NOX4: variants seen among roughly 807,000 people sequenced by gnomAD.
The protein encoded by NOX4 is kidney oxidase-1.
NOX4 carries 69 observed loss-of-function variants against 87.6 expected under a neutral mutation model. That is an observed-to-expected ratio of 0.79 (90% confidence interval 0.65 to 0.96). The LOEUF (loss-of-function observed/expected upper bound fraction) is 0.96. Ranked by LOEUF, NOX4 falls within the 40% of genes least tolerant of loss-of-function variation. The pLI, the probability that NOX4 is intolerant of heterozygous loss-of-function variation, is 0.00. For missense variants in NOX4, 680 were observed against 681.5 expected, an observed-to-expected ratio of 1.00 and a Z score of 0.02; for synonymous variants, 275 against 238.2, an observed-to-expected ratio of 1.15 and a Z score of -1.42.
chr11:89,326,971 A>G (rs1293975178), intron 17 of NOX4, 95 bp from the exon 18 acceptor site: 2 of 1,160,374 alleles, frequency 1.7e-6, no homozygotes, highest in Non-Finnish European at 2.4e-6. Flanking sequence ...AAGTATTAAC[A>G]AAGTTGATTT....
chr11:89,493,534 T>C (rs538666670), upstream of NOX4, among the ~76,000 whole-genome samples: 1 of 152,180 alleles, frequency 6.6e-6, no homozygotes, highest in South Asian at 2.1e-4. Context: ...AATGCTTATA[T>C]AAATGTTGGT....
intron 2 of NOX4, among the ~76,000 whole-genome samples, chr11:89,487,731 A>G (rs1456377911): frequency 6.6e-6 from 1 of 152,218 alleles, no homozygotes; most frequent in Non-Finnish European, 1.5e-5. Context: ...TGCTAAGTTA[A>G]TAACATATAG....
chr11:89,326,963 G>A, intron 17 of NOX4, 87 bp from the exon 18 acceptor site: 10 of 1,244,670 alleles, frequency 8.0e-6, no homozygotes, highest in Non-Finnish European at 1.1e-5. Flanking sequence ...ATGGTTTAAA[G>A]TATTAACAAA....
chr11:89,336,039 T>TTGCTGTGA (rs1945699942), intron 16 of NOX4, 94 bp from the exon 17 acceptor site: 2 of 686,506 alleles, frequency 2.9e-6, no homozygotes, highest in Admixed American at 2.9e-5. Flanking sequence ...TCCCACCAAA[T>TTGCTGTGA]TGCTGTGATA....
At chr11:89,438,475 AC>A (rs1313553949) in intron 6 of NOX4, among the ~76,000 whole-genome samples, 1,084 of 83,878 alleles carry the variant, frequency 0.013, 38 homozygotes, top group African/African-American at 0.062. Flanking sequence ...TATATTATAT[AC>A]TATATATACT....
At chr11:89,521,716 A>G in the NOX4 span, among the ~76,000 whole-genome samples, 2 of 152,176 alleles carry the variant, frequency 1.3e-5, no homozygotes, top group Non-Finnish European at 2.9e-5. Flanking sequence ...CTGCAAAGCG[A>G]AAGAAACAAC....
intron 4 of NOX4, among the ~76,000 whole-genome samples, chr11:89,448,218 AAACAAC>A (rs369024514): frequency 1.3e-5 from 2 of 152,078 alleles, no homozygotes; most frequent in African/African-American, 4.8e-5. Flanking sequence ...TTACAGTTAA[AAACAAC>A]AACAACAACA....
chr11:89,491,192 G>A lies in NOX4; in HGVS notation c.55C>T (p.Leu19=), dbSNP rs1946837484. 6.2e-7 allele frequency: 1 copy of A among 1,613,746 alleles called. No homozygotes were observed. The highest frequency in any genetic ancestry group is 8.5e-7 in the Non-Finnish European group (1 of 1,179,846). ...LANEGVKHLC[L]FIWLSMNVLL... ...GAGAGCCTAGCCCGCCATCCTACCA[G>A]GCAGAGGTGTTTAACCCCTTCGTTG... is the stretch of plus-strand genomic sequence containing the variant. The change falls in exon 1 of 18, where the codon CTG becomes TTG. Residue 19 remains leucine (L), a splice_region_variant and synonymous_variant. Transcript: ENST00000263317.
intron 12 of NOX4, among the ~76,000 whole-genome samples, chr11:89,372,018 C>A (rs184270660): frequency 6.6e-6 from 1 of 151,674 alleles, no homozygotes; most frequent in Non-Finnish European, 1.5e-5. Flanking sequence ...TATGAAATAA[C>A]CTCCTTATAT....
upstream of NOX4, among the ~76,000 whole-genome samples, chr11:89,500,449 C>T (rs969798631): frequency 7.9e-5 from 12 of 152,120 alleles, no homozygotes; most frequent in Admixed American, 3.3e-4. Flanking sequence ...GCAAGTTCTC[C>T]ATCATTCTGC....
chr11:89,505,599 A>T, the NOX4 span, among the ~76,000 whole-genome samples: 1 of 151,744 alleles, frequency 6.6e-6, no homozygotes, highest in African/African-American at 2.4e-5. Context: ...GCAGTTACTG[A>T]GGGGACAACT....
chr11:89,511,005 AT>A, the NOX4 span, among the ~76,000 whole-genome samples: 1 of 152,040 alleles, frequency 6.6e-6, no homozygotes, highest in Non-Finnish European at 1.5e-5. Context: ...TTTCTGAAAT[AT>A]TTGTAATTGC....
chr11:89,459,362 GA>G (rs1305731351), intron 2 of NOX4, among the ~76,000 whole-genome samples: 1 of 151,802 alleles, frequency 6.6e-6, no homozygotes, highest in East Asian at 1.9e-4. Flanking sequence ...TTACTTGGGT[GA>G]AAAAAATAAT....
chr11:89,495,226 C>T (rs1348237546), upstream of NOX4, among the ~76,000 whole-genome samples: 1 of 152,218 alleles, frequency 6.6e-6, no homozygotes, highest in South Asian at 2.1e-4. Flanking sequence ...ATCCACCAGA[C>T]TCAGCCTCCC....
At chr11:89,331,537 C>T (rs1945470624) in intron 17 of NOX4, among the ~76,000 whole-genome samples, 1 of 151,538 alleles carries the variant, frequency 6.6e-6, no homozygotes, top group Non-Finnish European at 1.5e-5. Context: ...ATGTAGCTTC[C>T]ATTAAAATGA....
rs772938806 is a variant in NOX4, at chr11:89,444,236, C to T, written c.350-4G>A. 4 of 1,611,810 alleles carry T rather than the reference C, an allele frequency of 2.5e-6. No homozygotes were observed. The highest frequency in any genetic ancestry group is 3.4e-6 in the Non-Finnish European group (4 of 1,178,192). ...AGATGGGCAGCCACATGCACGCCTA[C>T]AGAATTACACCAGGGGTAAGTTAGT... On this transcript the variant is annotated splice_polypyrimidine_tract_variant and splice_region_variant and intron_variant, in intron 4 of 17. Coordinates refer to ENST00000263317, the MANE Select transcript of NOX4 (RefSeq NM_016931.5).
chr11:89,447,095 A>G (rs1944743154), intron 4 of NOX4, among the ~76,000 whole-genome samples: 1 of 152,150 alleles, frequency 6.6e-6, no homozygotes, highest in African/African-American at 2.4e-5. Flanking sequence ...CAGGAAGCTA[A>G]CATGAGTTAA....
chr11:89,485,570 T>A (rs1946559064), intron 2 of NOX4, among the ~76,000 whole-genome samples: 1 of 152,096 alleles, frequency 6.6e-6, no homozygotes, highest in Admixed American at 6.6e-5. Context: ...AAATGGTGTT[T>A]TGAGTTAAAC....
chr11:89,526,363 A>G, the NOX4 span, among the ~76,000 whole-genome samples: 1 of 152,186 alleles, frequency 6.6e-6, no homozygotes, highest in Non-Finnish European at 1.5e-5. Flanking sequence ...ACATCACCAC[A>G]AGCATTGCTA....
Sources: gnomAD v4.1 joint callset for allele counts (sites outside exome capture counted in the v4.1 genomes callset) on GRCh38, gnomAD v4.1.1 for gene constraint, MANE v1.5 for transcripts, NCBI Gene and HGNC (gene_info 2026-07-23, HGNC 2026-07-21) for gene names.